Variants in LRRC4C observed in about 807,000 individuals in gnomAD.
LRRC4C encodes leucine rich repeat containing 4C, also known as leucine-rich repeat-containing protein 4C.
In LRRC4C, 5 loss-of-function variants were observed where a neutral mutation model predicts 33.6. That is an observed-to-expected ratio of 0.15 (90% confidence interval 0.08 to 0.31). The LOEUF is 0.31. Ranked by LOEUF, LRRC4C falls within the 10% of genes least tolerant of loss-of-function variation. LRRC4C has a pLI of 1.00. For missense variants in LRRC4C, 560 were observed against 796.7 expected, an observed-to-expected ratio of 0.70 and a Z score of 3.58; for synonymous variants, 329 against 302.0, an observed-to-expected ratio of 1.09 and a Z score of -0.93.
At chr11:41,024,165 G>A (rs1856181337) in intron 1 of LRRC4C, among the ~76,000 whole-genome samples, 1 of 151,620 alleles carries the variant, frequency 6.6e-6, no homozygotes, top group African/African-American at 2.4e-5. Flanking sequence ...AGATATAGAT[G>A]TTAGTTTCCT....
chr11:41,026,355 A>C (rs1856357306), intron 1 of LRRC4C, among the ~76,000 whole-genome samples: 1 of 151,654 alleles, frequency 6.6e-6, no homozygotes, highest in African/African-American at 2.4e-5. Flanking sequence ...TGGTAGAAAA[A>C]GCAAGAGAAT....
chr11:40,189,552 C>T (rs1861667982), intron 5 of LRRC4C, among the ~76,000 whole-genome samples: 1 of 152,140 alleles, frequency 6.6e-6, no homozygotes, highest in Admixed American at 6.6e-5. Context: ...GTGATAGAAA[C>T]ATAATTAGCA....
intron 2 of LRRC4C, among the ~76,000 whole-genome samples, chr11:40,791,255 A>C (rs190166005): frequency 5.9e-5 from 9 of 152,200 alleles, no homozygotes; most frequent in African/African-American, 2.2e-4. Context: ...ATGGTGTTGC[A>C]AATAAACTCT....
At chr11:40,448,800 T>C (rs1317659915) in intron 3 of LRRC4C, among the ~76,000 whole-genome samples, 1 of 152,214 alleles carries the variant, frequency 6.6e-6, no homozygotes, top group Non-Finnish European at 1.5e-5. Context: ...TATTTCTGGA[T>C]CTAGATCCTT....
At position 40,495,836 on chromosome 11, in the gene LRRC4C, T is replaced by A. The variant is rs1326122550; in HGVS notation, c.-270+152306A>T. Among the ~76,000 whole-genome samples the A allele has an allele frequency of 5.3e-5, 4 of 74,892 alleles. 1 individual carries two copies. The highest frequency in any genetic ancestry group is 1.4e-4 in the African/African-American group (3 of 21,312). The allele number at this position is 74,892 out of a possible 152,430, so 49.1% of individuals were successfully genotyped here. ...ATGTTTTTTTTTTTTTTTTTTTTTT[T>A]TTTTTTTTTTTTTGAGAGAGTCTCG... On this transcript the variant is annotated intron_variant, in intron 3 of 6. Coordinates refer to ENST00000528697, the MANE Select transcript of LRRC4C (RefSeq NM_001258419.2).
intron 1 of LRRC4C, among the ~76,000 whole-genome samples, chr11:41,274,543 T>G (rs895086739): frequency 6.6e-6 from 1 of 152,120 alleles, no homozygotes; most frequent in Non-Finnish European, 1.5e-5. Context: ...TGAAGCCAAC[T>G]GGACTTCCTG....
At chr11:41,319,063 T>C (rs1950878057) in intron 1 of LRRC4C, among the ~76,000 whole-genome samples, 1 of 152,216 alleles carries the variant, frequency 6.6e-6, no homozygotes, top group African/African-American at 2.4e-5. Flanking sequence ...GGCACCAGTT[T>C]TGGATTTCAC....
intron 1 of LRRC4C, among the ~76,000 whole-genome samples, chr11:41,187,340 G>T (rs1253854411): frequency 1.3e-5 from 2 of 152,182 alleles, no homozygotes; most frequent in African/African-American, 4.8e-5. Flanking sequence ...CACACTGGCA[G>T]AAGAGGACAC....
At chr11:40,700,196 C>A (rs546799411) in intron 2 of LRRC4C, among the ~76,000 whole-genome samples, 1 of 152,218 alleles carries the variant, frequency 6.6e-6, no homozygotes, top group South Asian at 2.1e-4. Context: ...CAAGGAATCC[C>A]TCGAGCCATC....
chr11:40,734,983 C>A (rs1194691594), intron 2 of LRRC4C, among the ~76,000 whole-genome samples: 1 of 150,856 alleles, frequency 6.6e-6, no homozygotes, highest in Non-Finnish European at 1.5e-5. Flanking sequence ...AAAAAATAAT[C>A]TCTCTCTCTC....
At chr11:40,278,541 T>A (rs1347762159) in intron 4 of LRRC4C, among the ~76,000 whole-genome samples, 1 of 152,216 alleles carries the variant, frequency 6.6e-6, no homozygotes, top group East Asian at 1.9e-4. Flanking sequence ...AACAAAGATC[T>A]GTTTCTAAGA....
At chr11:41,234,445 A>G (rs891858192) in intron 1 of LRRC4C, among the ~76,000 whole-genome samples, 3 of 152,002 alleles carry the variant, frequency 2.0e-5, no homozygotes, top group East Asian at 3.9e-4. Flanking sequence ...TATAATCATT[A>G]TGTTGTACAA....
chr11:40,429,584 C>A (rs372696971), intron 3 of LRRC4C, among the ~76,000 whole-genome samples: 5,024 of 149,700 alleles, frequency 0.034, 304 homozygotes, highest in African/African-American at 0.12. Context: ...AAAAACAAAA[C>A]AAAACATGTA....
chr11:40,371,004 T>G (rs1948426563), intron 3 of LRRC4C, among the ~76,000 whole-genome samples: 1 of 152,136 alleles, frequency 6.6e-6, no homozygotes, highest in Non-Finnish European at 1.5e-5. Context: ...CATTGATTTT[T>G]TTAAAAAAAA....
intron 1 of LRRC4C, among the ~76,000 whole-genome samples, chr11:40,955,027 C>A (rs1422253895): frequency 6.6e-6 from 1 of 151,828 alleles, no homozygotes; most frequent in Admixed American, 6.6e-5. Flanking sequence ...CCCACCTACA[C>A]TAGAAGATGA....
At chr11:40,722,426 C>G (rs984181612) in intron 2 of LRRC4C, among the ~76,000 whole-genome samples, 3 of 152,148 alleles carry the variant, frequency 2.0e-5, no homozygotes, top group Admixed American at 2.0e-4. Context: ...ACAAAGAAAA[C>G]TACACTGCTT....
chr11:40,677,231 CA>C (rs1371278186), intron 2 of LRRC4C, among the ~76,000 whole-genome samples: 7 of 152,126 alleles, frequency 4.6e-5, no homozygotes, highest in African/African-American at 1.7e-4. Context: ...ACTAAAAATA[CA>C]AAAATTAGCC....
In LRRC4C at chr11:40,615,237, T is replaced by TA. The variant is rs1216537092; in HGVS notation, c.-270+32904_-270+32905insT. Among the ~76,000 whole-genome samples, 8 of 70,852 alleles carry TA rather than the reference T, an allele frequency of 1.1e-4. No individual in the cohort carries two copies. In the South Asian group the frequency reaches 1.5e-3, roughly 13 times the overall value. 46.5% of individuals were successfully genotyped at this position (70,852 alleles called of 152,430 possible). On this transcript the variant is annotated intron_variant, in intron 3 of 6. Transcript: ENST00000528697. Reference sequence around the variant, plus strand: ...GCAATCACTCGATGCATTGATTTATTTTATATATATATATATATATATATA... The same window carrying TA: ...GCAATCACTCGATGCATTGATTTATTATTATATATATATATATATATATATA...
chr11:40,953,484 T>C (rs1358978664), intron 1 of LRRC4C, among the ~76,000 whole-genome samples: 3 of 151,860 alleles, frequency 2.0e-5, no homozygotes, highest in East Asian at 3.9e-4. Flanking sequence ...ATCATTCTTC[T>C]TGTCACCATA....
Sources: allele counts gnomAD v4.1 joint callset (sites outside exome capture counted in the v4.1 genomes callset), GRCh38; gene constraint gnomAD v4.1.1; transcripts MANE v1.5; gene names NCBI Gene and HGNC (gene_info 2026-07-23, HGNC 2026-07-21).